Variants in KIDINS220 observed in about 807,000 individuals in gnomAD.
KIDINS220 encodes the protein kinase D-interacting substrate of 220 kDa.
Under a neutral mutation model 157.6 loss-of-function variants are expected in KIDINS220, and 63 were observed. That is an observed-to-expected ratio of 0.40 (90% CI 0.33 to 0.49). KIDINS220 has a LOEUF of 0.49. Ranked by LOEUF, KIDINS220 falls within the 20% of genes least tolerant of loss-of-function variation. KIDINS220 has a pLI of 0.66. For synonymous variants in KIDINS220, 732 were observed against 783.6 expected (o/e 0.93, Z 1.10); for missense variants, 1,772 against 2,171.2 (o/e 0.82, Z 3.65).
intron 21 of KIDINS220, among the ~76,000 whole-genome samples, chr2:8,773,532 G>A (rs1236077560): frequency 2.0e-5 from 3 of 151,660 alleles, no homozygotes; most frequent in East Asian, 1.9e-4. Context: ...GAGCGCAGTG[G>A]CACAATCTCA....
downstream of KIDINS220, chr2:8,721,229 G>T (rs1209454181): frequency 9.9e-5 from 15 of 152,106 alleles, no homozygotes; most frequent in Admixed American, 9.8e-4. Flanking sequence ...AGTGGTATTT[G>T]GGATTATAAT....
At chr2:8,782,358 G>C (rs915331572) in intron 17 of KIDINS220, among the ~76,000 whole-genome samples, 1 of 151,960 alleles carries the variant, frequency 6.6e-6, no homozygotes, top group Non-Finnish European at 1.5e-5. Flanking sequence ...ATAAAAGAGA[G>C]GCTACCACTT....
At chr2:8,815,887 G>A (rs909145024) in intron 4 of KIDINS220, among the ~76,000 whole-genome samples, 2 of 152,036 alleles carry the variant, frequency 1.3e-5, no homozygotes, top group East Asian at 1.9e-4. Context: ...TGAAATCCTG[G>A]AATTCTTCCT....
At chr2:8,736,015 G>A (rs1449961482) in intron 27 of KIDINS220, among the ~76,000 whole-genome samples, 2 of 152,208 alleles carry the variant, frequency 1.3e-5, no homozygotes, top group African/African-American at 4.8e-5. Flanking sequence ...TTTGACTCAT[G>A]CAAACAGGGA....
chr2:8,747,327 C>T, intron 25 of KIDINS220, 126 bp from the exon 26 acceptor site: 1 of 797,346 alleles, frequency 1.3e-6, no homozygotes, highest in Non-Finnish European at 2.2e-6. Context: ...TTTTTGCCTC[C>T]TGATTTATAA....
chr2:8,802,835 A>G lies in KIDINS220; in HGVS notation c.801+95T>C, dbSNP rs1572718899. The G allele has an allele frequency of 5.5e-5, 50 of 915,268 alleles. 1 individual carries two copies. In the South Asian group the frequency reaches 7.7e-4, roughly 14 times the overall value. The allele number at this position is 915,268 out of a possible 1,614,324, so 56.7% of individuals were successfully genotyped here. A position where few individuals can be genotyped will look rare whatever the true frequency, so the allele number is the denominator to read the frequency against. The stretch of plus-strand genomic sequence containing the variant: ...AATAAACTTATTTTAAAACAAGTTT[A>G]TGTCATGCATGAGAATCTTGAAAGG... On this transcript the variant is annotated intron_variant, in intron 8 of 29. Coordinates refer to ENST00000256707, the MANE Select transcript of KIDINS220 (RefSeq NM_020738.4).
chr2:8,734,588 T>C, intron 28 of KIDINS220, 67 bp downstream of exon 28: 2 of 1,132,216 alleles, frequency 1.8e-6, no homozygotes, highest in Non-Finnish European at 2.6e-6. Flanking sequence ...TTCTACAATG[T>C]TATAAATAAT....
At chr2:8,798,641 G>T (rs1489215902) in intron 9 of KIDINS220, among the ~76,000 whole-genome samples, 2 of 152,158 alleles carry the variant, frequency 1.3e-5, no homozygotes, top group African/African-American at 4.8e-5. Context: ...CTGACCCTTA[G>T]ATTTTCATCT....
intron 22 of KIDINS220, among the ~76,000 whole-genome samples, chr2:8,761,804 T>C (rs185208763): frequency 1.3e-5 from 2 of 152,368 alleles, no homozygotes; most frequent in African/African-American, 4.8e-5. Flanking sequence ...TTCTGCAGCA[T>C]GGTTTTACAC....
chr2:8,741,726 C>G (rs548426917), intron 26 of KIDINS220, among the ~76,000 whole-genome samples: 2 of 152,314 alleles, frequency 1.3e-5, no homozygotes, highest in Non-Finnish European at 2.9e-5. Flanking sequence ...ATATCCCAAT[C>G]AATTTAGTTG....
chr2:8,793,190 T>C (rs1347814674), intron 12 of KIDINS220, among the ~76,000 whole-genome samples: 1 of 151,996 alleles, frequency 6.6e-6, no homozygotes, highest in African/African-American at 2.4e-5. Flanking sequence ...GAAAAAATAT[T>C]TTAAAATACA....
chr2:8,760,071 A>G (rs921255281), intron 22 of KIDINS220, among the ~76,000 whole-genome samples: 1 of 152,226 alleles, frequency 6.6e-6, no homozygotes, highest in Non-Finnish European at 1.5e-5. Flanking sequence ...ATGGCTCAAA[A>G]TCCCTCAGGT....
At position 8,796,740 on chromosome 2, in the gene KIDINS220, A is replaced by G. The variant is rs374882186; in HGVS notation, c.1098+31T>C. 1.3e-4 allele frequency: 206 copies of G among 1,539,134 alleles called. 1 individual carries two copies. Among genetic ancestry groups the G allele is most frequent in the Non-Finnish European group, 1.7e-4 (190 of 1,111,644 alleles). ...GAGGTCAGTCGACCAACAGCTTTCC[A>G]TACAGTGTTCTCTCCGCACAGATGT... On this transcript the variant is annotated intron_variant, in intron 11 of 29. Coordinates refer to ENST00000256707, the MANE Select transcript of KIDINS220 (RefSeq NM_020738.4).
intron 11 of KIDINS220, chr2:8,794,446 A>G (rs2148292009): frequency 6.5e-6 from 1 of 154,638 alleles, no homozygotes; most frequent in Middle Eastern, 3.4e-3. Context: ...ATCTAACACA[A>G]GTGATCTTGT....
chr2:8,725,538 G>C (rs966325053), downstream of KIDINS220: 5 of 152,134 alleles, frequency 3.3e-5, no homozygotes, highest in Admixed American at 2.6e-4. Flanking sequence ...TAGTAGGTAG[G>C]CCGAGTCTTC....
At chr2:8,746,828 A>G (rs1040531933) in intron 26 of KIDINS220, 12 of 281,478 alleles carry the variant, frequency 4.3e-5, no homozygotes. Context: ...TAGAGCTCAC[A>G]CTGAGGAGCA....
chr2:8,826,949 T>C, intron 2 of KIDINS220, 37 bp downstream of exon 2: 2 of 1,190,088 alleles, frequency 1.7e-6, no homozygotes, highest in Non-Finnish European at 2.5e-6. Flanking sequence ...TCAACAAATA[T>C]TTGTGAAAGA....
chr2:8,783,882 G>A lies in KIDINS220; in HGVS notation c.2229+1859C>T, dbSNP rs181929297. Among the ~76,000 whole-genome samples, 25 of 152,110 alleles carry A rather than the reference G, an allele frequency of 1.6e-4. No individual in the cohort carries two copies. In the East Asian group the frequency reaches 4.4e-3, roughly 27 times the overall value. ...TCAATACTTGACCTAAAGATTTAAC[G>A]CAATCTCAATGAAAATCCCAGCAAG... On this transcript the variant is annotated intron_variant, in intron 17 of 29. Coordinates refer to ENST00000256707, the MANE Select transcript of KIDINS220 (RefSeq NM_020738.4).
intron 22 of KIDINS220, among the ~76,000 whole-genome samples, chr2:8,769,529 T>C (rs1347777155): frequency 6.6e-6 from 1 of 152,214 alleles, no homozygotes; most frequent in African/African-American, 2.4e-5. Context: ...ATTACCTGTT[T>C]ACATTAAATA....
Sources: allele counts gnomAD v4.1 joint callset (sites outside exome capture counted in the v4.1 genomes callset), GRCh38; gene constraint gnomAD v4.1.1; transcripts MANE v1.5; gene names NCBI Gene and HGNC (gene_info 2026-07-23, HGNC 2026-07-21).